The following CCDC126 variants were observed in gnomAD, a reference collection of about 807,000 sequenced individuals.
CCDC126 encodes coiled-coil domain containing 126.
In CCDC126, 5 loss-of-function variants were observed where a neutral mutation model predicts 11.7. That is an observed-to-expected ratio of 0.43 (90% CI 0.22 to 0.90). The LOEUF is 0.90. Ranked by LOEUF, CCDC126 falls within the 40% of genes least tolerant of loss-of-function variation. The pLI is 0.27. For missense variants in CCDC126, 150 were observed against 163.1 expected, an observed-to-expected ratio of 0.92 and a Z score of 0.44; for synonymous variants, 60 against 61.9, an observed-to-expected ratio of 0.97 and a Z score of 0.14.
chr7:23,605,399 T>C (rs903222134), intron 2 of CCDC126, among the ~76,000 whole-genome samples: 1 of 148,824 alleles, frequency 6.7e-6, no homozygotes, highest in Non-Finnish European at 1.5e-5. Flanking sequence ...TGTGATATGC[T>C]TGTGTGTGTG....
chr7:23,634,255 A>G (rs977807795), intron 3 of CCDC126, among the ~76,000 whole-genome samples: 1 of 152,132 alleles, frequency 6.6e-6, no homozygotes, highest in South Asian at 2.1e-4. Context: ...AGAGTAGTCC[A>G]GGCAACATGG....
At chr7:23,612,145 C>CAA (rs68133290) in intron 3 of CCDC126, among the ~76,000 whole-genome samples, 26 of 55,308 alleles carry the variant, frequency 4.7e-4, no homozygotes, top group African/African-American at 1.1e-3. Context: ...GACTCCGTCT[C>CAA]AAAAAAAAAA....
chr7:23,613,986 G>A (rs115595266), intron 3 of CCDC126, among the ~76,000 whole-genome samples: 2,970 of 152,290 alleles, frequency 0.02, 105 homozygotes, highest in African/African-American at 0.069. Context: ...CCTTTTGCTG[G>A]TGGAGGATCT....
chr7:23,629,430 C>T (rs1156999230), intron 3 of CCDC126, among the ~76,000 whole-genome samples: 2 of 152,162 alleles, frequency 1.3e-5, no homozygotes, highest in Non-Finnish European at 2.9e-5. Flanking sequence ...TGTGAGAAAT[C>T]AATTTCTATT....
intron 3 of CCDC126, among the ~76,000 whole-genome samples, chr7:23,620,045 T>A (rs934826343): frequency 1.3e-5 from 2 of 152,204 alleles, no homozygotes; most frequent in Non-Finnish European, 2.9e-5. Flanking sequence ...TAAACATACG[T>A]GTGCGTGTGT....
intron 2 of CCDC126, among the ~76,000 whole-genome samples, chr7:23,605,023 T>C (rs1412531318): frequency 6.8e-6 from 1 of 148,012 alleles, no homozygotes; most frequent in East Asian, 2.0e-4. Flanking sequence ...AAGAAAATGA[T>C]AGAGAGTACC....
At chr7:23,605,451 AATAC>A (rs1184175834) in intron 2 of CCDC126, among the ~76,000 whole-genome samples, 3 of 150,972 alleles carry the variant, frequency 2.0e-5, no homozygotes, top group African/African-American at 7.3e-5. Flanking sequence ...GTGGTAAAAA[AATAC>A]ATAATCTAAA....
At position 23,644,180 on chromosome 7, in the gene CCDC126, A is replaced by G. The variant is rs571411786; in HGVS notation, c.*1065A>G. ...CAGATGCATTAGATATTCATTTTAT[A>G]TAATGGCCACTTAAAATAAGAACAT... is the stretch of plus-strand genomic sequence containing the variant. On this transcript the variant is annotated 3_prime_UTR_variant, in exon 4 of 4. Transcript: ENST00000307471. The G allele has an allele frequency of 2.0e-5, 3 of 152,176 alleles. No individual in the cohort carries two copies. The highest frequency in any genetic ancestry group is 4.8e-5 in the African/African-American group (2 of 41,460). 9.4% of individuals were successfully genotyped at this position (152,176 alleles called of 1,614,324 possible). A position where few individuals can be genotyped will look rare whatever the true frequency, so the allele number is the denominator to read the frequency against.
chr7:23,626,535 C>G (rs1474810351), intron 3 of CCDC126, among the ~76,000 whole-genome samples: 3 of 151,630 alleles, frequency 2.0e-5, no homozygotes, highest in Non-Finnish European at 4.4e-5. Flanking sequence ...TTTGGGGGTA[C>G]ATGTGAAGAT....
At chr7:23,639,799 T>C (rs1371863295) in intron 3 of CCDC126, among the ~76,000 whole-genome samples, 1 of 151,416 alleles carries the variant, frequency 6.6e-6, no homozygotes, top group Non-Finnish European at 1.5e-5. Context: ...TCACGACCAC[T>C]ACGGTAGTAC....
intron 3 of CCDC126, among the ~76,000 whole-genome samples, chr7:23,630,743 AAAAAG>A (rs1783095586): frequency 6.7e-6 from 1 of 150,016 alleles, no homozygotes; most frequent in Non-Finnish European, 1.5e-5. Context: ...AAAAAAAAAA[AAAAAG>A]TCCATAGAAT....
chr7:23,644,220 A>G lies in CCDC126; in HGVS notation c.*1105A>G, dbSNP rs1440872858. The G allele has an allele frequency of 1.0e-4, 16 of 152,408 alleles. No homozygotes were observed. The highest frequency in any genetic ancestry group is 1.8e-4 in the Non-Finnish European group (12 of 67,948). 9.4% of individuals were successfully genotyped at this position (152,408 alleles called of 1,614,324 possible). A position where few individuals can be genotyped will look rare whatever the true frequency, so the allele number is the denominator to read the frequency against. On this transcript the variant is annotated 3_prime_UTR_variant, in exon 4 of 4. Coordinates refer to ENST00000307471, the MANE Select transcript of CCDC126 (RefSeq NM_138771.4). ...AATAAGAACATTTAAAATATAAACT[A>G]TGAAGATTGACTATCTTTTCAGGAA...
At chr7:23,618,116 C>T (rs1782825771) in intron 3 of CCDC126, among the ~76,000 whole-genome samples, 1 of 152,194 alleles carries the variant, frequency 6.6e-6, no homozygotes, top group Non-Finnish European at 1.5e-5. Context: ...ACACATTACC[C>T]TCCTGGCATA....
intron 3 of CCDC126, among the ~76,000 whole-genome samples, chr7:23,623,958 C>A (rs1782971571): frequency 6.6e-6 from 1 of 152,154 alleles, no homozygotes; most frequent in South Asian, 2.1e-4. Flanking sequence ...CCTAGTCCTT[C>A]TAGGTTTTTA....
At chr7:23,622,825 A>C (rs958224710) in intron 3 of CCDC126, 3 of 429,966 alleles carry the variant, frequency 7.0e-6, no homozygotes, top group African/African-American at 6.1e-5. Flanking sequence ...CCTCCATTCT[A>C]AATCTTACAA....
At chr7:23,625,633 ATTTC>A (rs1487138342) in intron 3 of CCDC126, among the ~76,000 whole-genome samples, 1 of 94,342 alleles carries the variant, frequency 1.1e-5, no homozygotes, top group Non-Finnish European at 2.3e-5. Context: ...AAATTTGTTT[ATTTC>A]TTATTTGACT....
intron 2 of CCDC126, among the ~76,000 whole-genome samples, chr7:23,610,111 C>A (rs1029479360): frequency 6.6e-6 from 1 of 152,062 alleles, no homozygotes; most frequent in Non-Finnish European, 1.5e-5. Context: ...GAAGTATAAC[C>A]TTTTAATTTT....
intron 2 of CCDC126, among the ~76,000 whole-genome samples, chr7:23,602,743 A>G (rs1218282067): frequency 6.6e-6 from 1 of 151,956 alleles, no homozygotes; most frequent in Non-Finnish European, 1.5e-5. Context: ...TTACCCCCTC[A>G]TTATTCTTTG....
chr7:23,599,319 T>G (rs972154955), intron 2 of CCDC126, among the ~76,000 whole-genome samples: 1 of 152,202 alleles, frequency 6.6e-6, no homozygotes, highest in African/African-American at 2.4e-5. Context: ...TTCTGCCAAC[T>G]GCCTGGTTTT....
Sources: allele counts gnomAD v4.1 joint callset (sites outside exome capture counted in the v4.1 genomes callset), GRCh38; gene constraint gnomAD v4.1.1; transcripts MANE v1.5; gene names NCBI Gene and HGNC (gene_info 2026-07-23, HGNC 2026-07-21).